ZNF804A: variants seen among roughly 807,000 people sequenced by gnomAD.
The protein encoded by ZNF804A is zinc finger protein 804A.
Under a neutral mutation model 16.5 loss-of-function variants are expected in ZNF804A, and 2 were observed. The observed-to-expected ratio is 0.12, with a 90% CI of 0.05 to 0.38. The LOEUF (loss-of-function observed/expected upper bound fraction) is 0.38. Among genes scored for constraint, ZNF804A ranks in the 10% least tolerant of loss-of-function variants. The pLI, the probability that ZNF804A is intolerant of heterozygous loss-of-function variation, is 0.99. For synonymous variants in ZNF804A, 534 were observed against 489.6 expected, an observed-to-expected ratio of 1.09 and a Z score of -1.20; for missense variants, 1,473 against 1,390.7, an observed-to-expected ratio of 1.06 and a Z score of -0.94.
intron 1 of ZNF804A, among the ~76,000 whole-genome samples, chr2:184,756,940 T>G (rs936593161): frequency 3.9e-5 from 6 of 152,184 alleles, no homozygotes; most frequent in African/African-American, 1.4e-4. Context: ...ACTTTAAAAC[T>G]TAGCTCAGTC....
At chr2:184,699,851 C>G (rs935625742) in intron 1 of ZNF804A, among the ~76,000 whole-genome samples, 9 of 151,926 alleles carry the variant, frequency 5.9e-5, no homozygotes, top group African/African-American at 2.2e-4. Flanking sequence ...GATGAAAACA[C>G]TGGAGTTGGA....
intron 1 of ZNF804A, among the ~76,000 whole-genome samples, chr2:184,745,148 A>G (rs916092635): frequency 6.6e-6 from 1 of 151,854 alleles, no homozygotes; most frequent in African/African-American, 2.4e-5. Context: ...TTTTACATGT[A>G]TAGCACAAAA....
At chr2:184,724,512 T>C (rs1200254854) in intron 1 of ZNF804A, among the ~76,000 whole-genome samples, 1 of 151,508 alleles carries the variant, frequency 6.6e-6, no homozygotes, top group Admixed American at 6.6e-5. Flanking sequence ...CACGGAAGCA[T>C]GAGAAATCTT....
intron 1 of ZNF804A, among the ~76,000 whole-genome samples, chr2:184,865,063 A>G (rs1170582284): frequency 5.9e-5 from 9 of 151,730 alleles, no homozygotes; most frequent in Non-Finnish European, 1.2e-4. Context: ...TATTTTTAGT[A>G]GAGACAGTGT....
At chr2:184,800,779 T>A (rs1694712658) in intron 1 of ZNF804A, among the ~76,000 whole-genome samples, 1 of 152,090 alleles carries the variant, frequency 6.6e-6, no homozygotes, top group Non-Finnish European at 1.5e-5. Flanking sequence ...TCACTTATGA[T>A]ATTTCTAGAG....
At chr2:184,711,720 A>G (rs1378716320) in intron 1 of ZNF804A, among the ~76,000 whole-genome samples, 3 of 151,726 alleles carry the variant, frequency 2.0e-5, no homozygotes, top group African/African-American at 4.8e-5. Flanking sequence ...TCTCAACACC[A>G]TTTATTGAAG....
intron 1 of ZNF804A, among the ~76,000 whole-genome samples, chr2:184,687,938 G>A (rs769876485): frequency 3.9e-5 from 6 of 152,124 alleles, no homozygotes; most frequent in Non-Finnish European, 7.4e-5. Flanking sequence ...GACCAATATG[G>A]TGAAACCCCG....
intron 1 of ZNF804A, among the ~76,000 whole-genome samples, chr2:184,735,520 A>T (rs182847817): frequency 5.4e-4 from 82 of 152,318 alleles, no homozygotes; most frequent in African/African-American, 1.9e-3. Flanking sequence ...GCAGCAAACC[A>T]CCATGCATGT....
chr2:184,844,181 C>CG (rs973769282), intron 1 of ZNF804A, among the ~76,000 whole-genome samples: 3 of 151,708 alleles, frequency 2.0e-5, no homozygotes, highest in Admixed American at 6.6e-5. Flanking sequence ...TATACCCCCC[C>CG]CCATTTCTTC....
intron 1 of ZNF804A, among the ~76,000 whole-genome samples, chr2:184,769,982 T>C (rs1201094212): frequency 6.6e-6 from 1 of 152,050 alleles, no homozygotes; most frequent in Non-Finnish European, 1.5e-5. Flanking sequence ...TACATAAATA[T>C]TTTAAAGTTA....
intron 1 of ZNF804A, among the ~76,000 whole-genome samples, chr2:184,695,340 A>G (rs1003126249): frequency 6.6e-6 from 1 of 151,860 alleles, no homozygotes; most frequent in African/African-American, 2.4e-5. Context: ...ATGTGCCTGT[A>G]GTCCCAGCTA....
intron 1 of ZNF804A, among the ~76,000 whole-genome samples, chr2:184,728,207 C>T (rs952987946): frequency 6.6e-6 from 1 of 151,754 alleles, no homozygotes; most frequent in African/African-American, 2.4e-5. Flanking sequence ...AAATAACCAA[C>T]TCGAGAAATA....
chr2:184,641,097 G>T (rs1279826707), intron 1 of ZNF804A, among the ~76,000 whole-genome samples: 2 of 152,118 alleles, frequency 1.3e-5, no homozygotes, highest in African/African-American at 4.8e-5. Context: ...TGGGATTACA[G>T]GAGCCGGCCA....
chr2:184,813,697 C>T lies in ZNF804A; in HGVS notation c.112-52672C>T, dbSNP rs116717676. Among the ~76,000 whole-genome samples, 603 of 152,032 alleles carry T rather than the reference C, an allele frequency of 4.0e-3. 11 individuals carry two copies. Among genetic ancestry groups the T allele is most frequent in the African/African-American group, 0.013 (547 of 41,520 alleles). ...TATTTAACCATCTGCCCAGGGTTTTCAAAGCAAAAATTTAGTGTTATATGA... is the reference window on the plus strand; with the variant it reads ...TATTTAACCATCTGCCCAGGGTTTTTAAAGCAAAAATTTAGTGTTATATGA... On this transcript the variant is annotated intron_variant, in intron 1 of 3. Coordinates refer to ENST00000302277, the MANE Select transcript of ZNF804A (RefSeq NM_194250.2).
intron 2 of ZNF804A, among the ~76,000 whole-genome samples, chr2:184,879,990 C>A (rs1279723495): frequency 2.6e-5 from 4 of 152,016 alleles, no homozygotes; most frequent in Admixed American, 1.3e-4. Flanking sequence ...ACCTTCTTAT[C>A]AAAAATGTAG....
intron 1 of ZNF804A, among the ~76,000 whole-genome samples, chr2:184,833,972 T>C (rs2105796932): frequency 6.6e-6 from 1 of 152,198 alleles, no homozygotes; most frequent in Admixed American, 6.6e-5. Flanking sequence ...TTTGGGCAGA[T>C]ATTTTGAGAC....
At chr2:184,684,098 T>G (rs2105720930) in intron 1 of ZNF804A, among the ~76,000 whole-genome samples, 1 of 152,344 alleles carries the variant, frequency 6.6e-6, no homozygotes, top group Non-Finnish European at 1.5e-5. Context: ...AGAGTGATAC[T>G]TTTTGATAAG....
intron 1 of ZNF804A, among the ~76,000 whole-genome samples, chr2:184,646,124 T>G (rs1246152741): frequency 6.6e-6 from 1 of 152,208 alleles, no homozygotes; most frequent in African/African-American, 2.4e-5. Context: ...AGTCAGCCAC[T>G]TTTTGGTAAC....
At chr2:184,758,363 G>A (rs990439830) in intron 1 of ZNF804A, among the ~76,000 whole-genome samples, 8 of 135,924 alleles carry the variant, frequency 5.9e-5, no homozygotes, top group African/African-American at 2.8e-4. Flanking sequence ...TAATAACACT[G>A]ATTATTTACA....
Sources: allele counts gnomAD v4.1 joint callset (sites outside exome capture counted in the v4.1 genomes callset), GRCh38; gene constraint gnomAD v4.1.1; transcripts MANE v1.5; gene names NCBI Gene and HGNC (gene_info 2026-07-23, HGNC 2026-07-21).